The following MPDZ variants were observed in gnomAD, a reference collection of about 807,000 sequenced individuals.
MPDZ encodes multiple PDZ domain protein.
MPDZ carries 234 observed loss-of-function variants against 239.1 expected under a neutral mutation model. The observed-to-expected ratio is 0.98, with a 90% CI of 0.88 to 1.09. The LOEUF is 1.09. MPDZ is among the 50% of genes least tolerant of loss of function. The probability of loss-of-function intolerance (pLI) is 0.00; values close to 1 mark genes in which losing one functional copy is unlikely to be tolerated. For synonymous variants in MPDZ, 1,048 were observed against 881.3 expected, an observed-to-expected ratio of 1.19 and a Z score of -3.35; for missense variants, 3,175 against 2,510.0, an observed-to-expected ratio of 1.26 and a Z score of -5.66.
At chr9:13,143,649 A>G (rs887462797) in intron 26 of MPDZ, 85 bp from the exon 27 acceptor site, 2 of 1,013,948 alleles carry the variant, frequency 2.0e-6, no homozygotes, top group African/African-American at 3.2e-5. Context: ...ATACCGATTT[A>G]AAGAACTGCC....
intron 26 of MPDZ, among the ~76,000 whole-genome samples, chr9:13,145,904 A>G (rs192766008): frequency 1.2e-3 from 177 of 152,150 alleles, no homozygotes; most frequent in Admixed American, 2.4e-3. Flanking sequence ...AAATGATGTA[A>G]AAATTGTAAA....
chr9:13,172,655 G>A (rs1304022823), intron 21 of MPDZ, among the ~76,000 whole-genome samples: 1 of 152,040 alleles, frequency 6.6e-6, no homozygotes, highest in African/African-American at 2.4e-5. Flanking sequence ...CCAAAGTGCT[G>A]GGATTACAGG....
chr9:13,175,953 T>C, intron 20 of MPDZ, 78 bp from the exon 21 acceptor site: 3 of 1,487,184 alleles, frequency 2.0e-6, no homozygotes, highest in Non-Finnish European at 1.8e-6. Flanking sequence ...ACATCACGCA[T>C]GTTCTCTAAT....
chr9:13,249,408 G>C (rs562646575), intron 2 of MPDZ, among the ~76,000 whole-genome samples: 1 of 152,198 alleles, frequency 6.6e-6, no homozygotes, highest in East Asian at 1.9e-4. Flanking sequence ...TTTACAGCAT[G>C]TGGGTTTAGT....
chr9:13,224,275 G>T, intron 4 of MPDZ, 99 bp downstream of exon 4: 1 of 1,148,474 alleles, frequency 8.7e-7, no homozygotes, highest in Non-Finnish European at 1.2e-6. Flanking sequence ...GTTTTCAGAT[G>T]TTATAAATGT....
intron 4 of MPDZ, among the ~76,000 whole-genome samples, chr9:13,224,048 A>C (rs1959722007): frequency 1.3e-5 from 2 of 151,948 alleles, no homozygotes; most frequent in South Asian, 4.1e-4. Flanking sequence ...AAAACTTAAA[A>C]GCCAATTACT....
At chr9:13,274,479 G>A (rs529094031) in intron 1 of MPDZ, 19 of 151,902 alleles carry the variant, frequency 1.3e-4, no homozygotes, top group Non-Finnish European at 2.4e-4. Flanking sequence ...AACCACCACA[G>A]GCAGACAGGC....
At chr9:13,151,478 C>T (rs989008766) in intron 24 of MPDZ, among the ~76,000 whole-genome samples, 1 of 151,912 alleles carries the variant, frequency 6.6e-6, no homozygotes, top group Non-Finnish European at 1.5e-5. Context: ...CTGAAACATA[C>T]CATAATATGA....
At chr9:13,256,424 A>T (rs1021521682) in intron 1 of MPDZ, among the ~76,000 whole-genome samples, 1 of 152,212 alleles carries the variant, frequency 6.6e-6, no homozygotes, top group African/African-American at 2.4e-5. Context: ...CTTTCAGCCT[A>T]TCTCTACTTT....
At chr9:13,205,827 C>T in intron 11 of MPDZ, 89 bp downstream of exon 11, 2 of 1,167,650 alleles carry the variant, frequency 1.7e-6, no homozygotes, top group South Asian at 1.9e-5. Flanking sequence ...AATTAAGAAC[C>T]ATTCTGAAAT....
intron 3 of MPDZ, among the ~76,000 whole-genome samples, chr9:13,226,965 T>C (rs1960822764): frequency 6.6e-6 from 1 of 152,094 alleles, no homozygotes; most frequent in Non-Finnish European, 1.5e-5. Flanking sequence ...CACAGCTAAG[T>C]TGTTTGTGAC....
At chr9:13,138,643 T>C (rs2132389561) in intron 28 of MPDZ, among the ~76,000 whole-genome samples, 1 of 152,340 alleles carries the variant, frequency 6.6e-6, no homozygotes, top group South Asian at 2.1e-4. Flanking sequence ...TGCACAGAGC[T>C]ATTAGGCCAG....
intron 16 of MPDZ, among the ~76,000 whole-genome samples, chr9:13,189,635 C>G (rs1013634668): frequency 6.6e-6 from 1 of 152,072 alleles, no homozygotes; most frequent in Non-Finnish European, 1.5e-5. Flanking sequence ...CCTCCCTTAG[C>G]AAAGAATGCA....
At chr9:13,114,419 G>A (rs868500741) in intron 40 of MPDZ, among the ~76,000 whole-genome samples, 1 of 152,118 alleles carries the variant, frequency 6.6e-6, no homozygotes, top group African/African-American at 2.4e-5. Flanking sequence ...GGGTCTTTAA[G>A]GACAGACTGA....
At chr9:13,109,106 A>T in intron 45 of MPDZ, 47 bp from the exon 46 acceptor site, 1 of 1,262,464 alleles carries the variant, frequency 7.9e-7, no homozygotes, top group East Asian at 2.9e-5. Flanking sequence ...AAAAAAAAAA[A>T]CTATACATAT....
intron 32 of MPDZ, among the ~76,000 whole-genome samples, chr9:13,127,161 C>T (rs1945242925): frequency 6.6e-6 from 1 of 152,206 alleles, no homozygotes; most frequent in African/African-American, 2.4e-5. Flanking sequence ...TCTGGCCTGT[C>T]GCTTGGAAAT....
At chr9:13,268,096 T>C (rs1004924796) in intron 1 of MPDZ, among the ~76,000 whole-genome samples, 2 of 151,860 alleles carry the variant, frequency 1.3e-5, no homozygotes, top group African/African-American at 4.8e-5. Flanking sequence ...AGTATTAGCA[T>C]CAGAATGGCT....
chr9:13,258,379 C>T (rs892047157), intron 1 of MPDZ, among the ~76,000 whole-genome samples: 6 of 152,278 alleles, frequency 3.9e-5, no homozygotes, highest in South Asian at 2.1e-4. Flanking sequence ...AAAAGGAATA[C>T]GACATTAAAA....
At chr9:13,108,000 T>G (rs1941772477) in intron 46 of MPDZ, among the ~76,000 whole-genome samples, 1 of 152,182 alleles carries the variant, frequency 6.6e-6, no homozygotes, top group African/African-American at 2.4e-5. Context: ...TTTAAAAATC[T>G]TATAAATTAA....
Sources: gnomAD v4.1 joint callset for allele counts (sites outside exome capture counted in the v4.1 genomes callset) on GRCh38, gnomAD v4.1.1 for gene constraint, MANE v1.5 for transcripts, NCBI Gene and HGNC (gene_info 2026-07-23, HGNC 2026-07-21) for gene names.